PKP2: variants seen among roughly 807,000 people sequenced by gnomAD.
PKP2 encodes the protein plakophilin-2.
In PKP2, 73 loss-of-function variants were observed where a neutral mutation model predicts 83.4. The ratio of observed to expected loss-of-function variants is 0.88; its 90% CI spans 0.72 to 1.06. The LOEUF is 1.06. PKP2 is among the 50% of genes least tolerant of loss of function. PKP2 has a pLI of 0.00. For missense variants in PKP2, 966 were observed against 1,065.4 expected, an observed-to-expected ratio of 0.91 and a Z score of 1.30; for synonymous variants, 409 against 430.4, an observed-to-expected ratio of 0.95 and a Z score of 0.62.
At chr12:32,798,370 C>T (rs1375740730) in intron 10 of PKP2, among the ~76,000 whole-genome samples, 8 of 151,748 alleles carry the variant, frequency 5.3e-5, no homozygotes, top group African/African-American at 1.7e-4. Context: ...GGATTACAGG[C>T]GTGAGCCACT....
intron 8 of PKP2, 42 bp downstream of exon 8, chr12:32,822,425 A>T (rs1191697207): frequency 1.3e-6 from 2 of 1,544,136 alleles, no homozygotes; most frequent in Non-Finnish European, 1.8e-6. Flanking sequence ...ACTCTCTCTC[A>T]TTCTCTCCCT....
chr12:32,870,536 A>G (rs1208476025), intron 3 of PKP2, among the ~76,000 whole-genome samples: 1 of 152,140 alleles, frequency 6.6e-6, no homozygotes, highest in Non-Finnish European at 1.5e-5. Context: ...AATGCAGGCT[A>G]TTACCACTAA....
intron 4 of PKP2, among the ~76,000 whole-genome samples, chr12:32,854,761 ACT>A (rs888910757): frequency 7.9e-5 from 12 of 152,048 alleles, no homozygotes; most frequent in African/African-American, 2.9e-4. Context: ...GAGAATTTTA[ACT>A]CTCTCTGTGG....
chr12:32,860,259 C>G (rs973136249), intron 4 of PKP2, among the ~76,000 whole-genome samples: 6 of 152,052 alleles, frequency 3.9e-5, no homozygotes, highest in African/African-American at 1.4e-4. Context: ...TGAACAGAAA[C>G]AGAACTCCTG....
At chr12:32,808,329 T>C (rs1452770948) in intron 9 of PKP2, among the ~76,000 whole-genome samples, 2 of 152,224 alleles carry the variant, frequency 1.3e-5, no homozygotes, top group African/African-American at 4.8e-5. Flanking sequence ...TGTTGATACT[T>C]GTGATTGCAC....
At chr12:32,861,593 T>A (rs903879388) in intron 4 of PKP2, among the ~76,000 whole-genome samples, 2 of 152,170 alleles carry the variant, frequency 1.3e-5, no homozygotes, top group Non-Finnish European at 2.9e-5. Flanking sequence ...AAGCCTAACG[T>A]GTATGTAATT....
Position 32,889,959 on chromosome 12 carries a change from C to T in PKP2, c.223+6550G>A, listed in dbSNP as rs1041125431. Among the ~76,000 whole-genome samples, 4 of 150,702 alleles carry T rather than the reference C, an allele frequency of 2.7e-5. No individual in the cohort carries two copies. The Admixed American group carries it at 2.7e-4, about 10-fold the overall frequency. ...GTGTGGTGGCACACACCTGTAATCC[C>T]ACTTACTTGAGAGGCTGAGGCAGGA... On this transcript the variant is annotated intron_variant, in intron 1 of 12. Transcript: ENST00000340811.
In PKP2 at chr12:32,821,542, A is replaced by C; in HGVS notation, c.1840-13T>G. 6.2e-7 allele frequency: 1 copy of C among 1,613,816 alleles called. No homozygotes were observed. The highest frequency in any genetic ancestry group is 8.5e-7 in the Non-Finnish European group (1 of 1,179,796). Reference sequence around the variant, plus strand: ...CGTCCTGGTATTGCTGACCACACACAAAAGGAATCCAGAATTAATGCATGT... The same window carrying C: ...CGTCCTGGTATTGCTGACCACACACCAAAGGAATCCAGAATTAATGCATGT... On this transcript the variant is annotated splice_polypyrimidine_tract_variant and intron_variant, in intron 8 of 12. Coordinates refer to ENST00000340811, the MANE Select transcript of PKP2 (RefSeq NM_001005242.3).
intron 9 of PKP2, among the ~76,000 whole-genome samples, chr12:32,818,278 A>G (rs1403709808): frequency 6.6e-6 from 1 of 152,210 alleles, no homozygotes; most frequent in Non-Finnish European, 1.5e-5. Flanking sequence ...CCTGGCTGAC[A>G]TGGTGAAACC....
At chr12:32,794,024 TC>T (rs1211562798) in intron 11 of PKP2, among the ~76,000 whole-genome samples, 3 of 152,086 alleles carry the variant, frequency 2.0e-5, no homozygotes, top group Admixed American at 1.3e-4. Flanking sequence ...AGATTCTTTT[TC>T]CCCCCATATC....
At chr12:32,867,749 T>C (rs1210687343) in intron 4 of PKP2, among the ~76,000 whole-genome samples, 1 of 152,178 alleles carries the variant, frequency 6.6e-6, no homozygotes, top group African/African-American at 2.4e-5. Flanking sequence ...TCTGGAAAGA[T>C]AAAAAAATTG....
rs369837002 is a variant in PKP2 at position 32,796,150 on chromosome 12, G to A, written c.2316C>T (p.Thr772=). The change falls in exon 11 of 13, where the codon ACC becomes ACT. Residue 772 remains threonine (T), a synonymous_variant. Transcript: ENST00000340811. ...TGGCCATAATTTTCTGGATGCCCCCGGTGTTTAGAAGGTCGCGTGCATTCT... is the reference window on the plus strand; with the variant it reads ...TGGCCATAATTTTCTGGATGCCCCCAGTGTTTAGAAGGTCGCGTGCATTCT... ...SYQNARDLLN[T]GGIQKIMAIS... 31 of 1,613,958 alleles carry A rather than the reference G, an allele frequency of 1.9e-5. No homozygotes were observed. The highest frequency in any genetic ancestry group is 4.0e-5 in the African/African-American group (3 of 74,872).
At chr12:32,827,703 T>C (rs965195721) in intron 6 of PKP2, among the ~76,000 whole-genome samples, 3 of 152,176 alleles carry the variant, frequency 2.0e-5, no homozygotes, top group African/African-American at 7.2e-5. Flanking sequence ...AAGTGAAATA[T>C]ACTGAAACAA....
chr12:32,890,074 C>CAAAAAAAA (rs55957473), intron 1 of PKP2, among the ~76,000 whole-genome samples: 85 of 63,836 alleles, frequency 1.3e-3, no homozygotes, highest in Middle Eastern at 8.9e-3. Flanking sequence ...GACTCCATCT[C>CAAAAAAAA]AAAAAAAAAA....
chr12:32,889,499 A>G (rs1015402194), intron 1 of PKP2, among the ~76,000 whole-genome samples: 1 of 152,210 alleles, frequency 6.6e-6, no homozygotes, highest in Non-Finnish European at 1.5e-5. Context: ...CACTTCTAGC[A>G]CAGTCTTGTA....
At chr12:32,825,149 A>G (rs1451629528) in intron 6 of PKP2, among the ~76,000 whole-genome samples, 1 of 147,828 alleles carries the variant, frequency 6.8e-6, no homozygotes, top group African/African-American at 2.5e-5. Context: ...TATAAAATGT[A>G]TCAGATCAGT....
chr12:32,838,346 G>C (rs1421844051), intron 6 of PKP2, among the ~76,000 whole-genome samples: 1 of 152,082 alleles, frequency 6.6e-6, no homozygotes, highest in Non-Finnish European at 1.5e-5. Context: ...GACAGAGCAG[G>C]AAAAAGGGTT....
chr12:32,831,810 C>A (rs1448637231), intron 6 of PKP2, among the ~76,000 whole-genome samples: 1 of 152,142 alleles, frequency 6.6e-6, no homozygotes, highest in Non-Finnish European at 1.5e-5. Context: ...AGAACAGGGA[C>A]CTTTGTAAGG....
chr12:32,824,093 C>A lies in PKP2; in HGVS notation c.1626G>T (p.Leu542=). 1.9e-6 allele frequency: 3 copies of A among 1,612,134 alleles called. No homozygotes were observed. The highest frequency in any genetic ancestry group is 2.5e-6 in the Non-Finnish European group (3 of 1,178,384). ...CAATGGTTCCTCTGACATAATGGAC[C>A]AGTGAGTCAATGAGTCCGTCACATC... is the stretch of plus-strand genomic sequence containing the variant. ...MRRCDGLIDS[L]VHYVRGTIAD... is the part of the protein sequence containing the mutation. The change falls in exon 7 of 13, where the codon CTG becomes CTT. Residue 542 remains leucine, a synonymous_variant. Coordinates refer to ENST00000340811, the MANE Select transcript of PKP2 (RefSeq NM_001005242.3).
Sources: allele counts gnomAD v4.1 joint callset (sites outside exome capture counted in the v4.1 genomes callset), GRCh38; gene constraint gnomAD v4.1.1; transcripts MANE v1.5; gene names NCBI Gene and HGNC (gene_info 2026-07-23, HGNC 2026-07-21).